The following C16orf74 variants were observed in gnomAD, a reference collection of about 807,000 sequenced individuals.
The protein encoded by C16orf74 is calcimembrin.
A neutral mutation model predicts 6.5 loss-of-function variants in C16orf74; 10 were observed. That is an observed-to-expected ratio of 1.54 (90% CI 0.95 to 2.61). The LOEUF (loss-of-function observed/expected upper bound fraction) is 2.61. C16orf74 is among the 30% of genes most tolerant of loss of function. C16orf74 has a pLI of 0.00. For synonymous variants in C16orf74, 60 were observed against 42.5 expected, an observed-to-expected ratio of 1.41 and a Z score of -1.60; for missense variants, 141 against 105.9, an observed-to-expected ratio of 1.33 and a Z score of -1.45.
In C16orf74 at chr16:85,709,415, T is replaced by C. The variant is rs374995402; in HGVS notation, c.172+749A>G. Among the ~76,000 whole-genome samples, 138 of 152,224 alleles carry C rather than the reference T, an allele frequency of 9.1e-4. 3 individuals are homozygous for C. The South Asian group carries it at 0.026, about 29-fold the overall frequency. ...GAAATCTGTACTTAACTCTGAACTC[T>C]GAGAATTCCTGTAAGAACTAAATAA... On this transcript the variant is annotated intron_variant, in intron 3 of 3. Coordinates refer to ENST00000284245, the MANE Select transcript of C16orf74 (RefSeq NM_206967.3).
chr16:85,736,642 T>C (rs767395081), intron 1 of C16orf74, among the ~76,000 whole-genome samples: 42 of 152,124 alleles, frequency 2.8e-4, no homozygotes, highest in Non-Finnish European at 4.4e-4. Context: ...CATTCCAACT[T>C]ACGAGTGGTC....
intron 1 of C16orf74, among the ~76,000 whole-genome samples, chr16:85,738,454 A>G (rs1028943844): frequency 5.3e-5 from 8 of 150,818 alleles, no homozygotes; most frequent in Admixed American, 4.6e-4. Context: ...CCTCCCGAGT[A>G]GCTGGGACTA....
chr16:85,739,956 TC>T (rs974088561), intron 1 of C16orf74, among the ~76,000 whole-genome samples: 26 of 151,838 alleles, frequency 1.7e-4, no homozygotes, highest in Admixed American at 5.2e-4. Context: ...ATGCCTGTAA[TC>T]CCAGCACTTA....
At chr16:85,713,463 G>A (rs1377578544) in intron 2 of C16orf74, among the ~76,000 whole-genome samples, 1 of 152,192 alleles carries the variant, frequency 6.6e-6, no homozygotes, top group African/African-American at 2.4e-5. Flanking sequence ...AGTAGAGACA[G>A]GGTCTCACCA....
chr16:85,710,655 G>A, intron 2 of C16orf74: 1 of 243,674 alleles, frequency 4.1e-6, no homozygotes. Flanking sequence ...CAGCGCTCCA[G>A]CCTCCACTCT....
intron 1 of C16orf74, among the ~76,000 whole-genome samples, chr16:85,741,236 T>A (rs1294612975): frequency 2.0e-5 from 3 of 152,168 alleles, no homozygotes; most frequent in African/African-American, 4.8e-5. Context: ...TGGAGATGCG[T>A]TCCTGGGGCC....
intron 1 of C16orf74, among the ~76,000 whole-genome samples, chr16:85,744,785 G>A (rs563102858): frequency 1.4e-5 from 2 of 142,490 alleles, no homozygotes; most frequent in African/African-American, 5.3e-5. Flanking sequence ...AGCCGAGATC[G>A]TGCCACTGCA....
At chr16:85,722,138 C>A (rs9308353) in intron 2 of C16orf74, among the ~76,000 whole-genome samples, 3,414 of 151,976 alleles carry the variant, frequency 0.022, 114 homozygotes, top group African/African-American at 0.079. Flanking sequence ...AGCTGGGATT[C>A]TAGGTGTGAG....
chr16:85,749,241 A>T (rs2362464), intron 1 of C16orf74, among the ~76,000 whole-genome samples: 62,584 of 151,986 alleles, frequency 0.41, 13,402 homozygotes, highest in East Asian at 0.73. Context: ...TGTGTCAGTG[A>T]CTTTGCCTTT....
chr16:85,731,076 G>C (rs903795059), intron 2 of C16orf74, among the ~76,000 whole-genome samples: 1 of 152,224 alleles, frequency 6.6e-6, no homozygotes, highest in African/African-American at 2.4e-5. Flanking sequence ...GCTCTAGATA[G>C]TATGTCCTTG....
intron 2 of C16orf74, among the ~76,000 whole-genome samples, chr16:85,718,333 T>G (rs1428482420): frequency 6.6e-6 from 1 of 152,224 alleles, no homozygotes; most frequent in Non-Finnish European, 1.5e-5. Context: ...CCCAAAGTCC[T>G]GGGGTTACAG....
At chr16:85,737,745 C>T (rs556271498) in intron 1 of C16orf74, among the ~76,000 whole-genome samples, 189 of 152,240 alleles carry the variant, frequency 1.2e-3, no homozygotes, top group Middle Eastern at 3.4e-3. Flanking sequence ...GCATGAGAAT[C>T]TCTTGAACCT....
chr16:85,709,495 G>GTTATTATTATTATTATTATTATTA (rs57478569), intron 3 of C16orf74, among the ~76,000 whole-genome samples: 4 of 147,398 alleles, frequency 2.7e-5, no homozygotes, highest in African/African-American at 7.6e-5. Flanking sequence ...CATCCCCAAT[G>GTTATTATTATTATTATTATTATTA]TTATTATTAT....
At chr16:85,711,990 A>G (rs2053974952) in intron 2 of C16orf74, among the ~76,000 whole-genome samples, 1 of 152,172 alleles carries the variant, frequency 6.6e-6, no homozygotes, top group Non-Finnish European at 1.5e-5. Context: ...GACTGCCATG[A>G]TGGTGTGTGA....
At chr16:85,710,027 G>A in intron 3 of C16orf74, 137 bp downstream of exon 3, 4 of 686,512 alleles carry the variant, frequency 5.8e-6, no homozygotes, top group Non-Finnish European at 8.9e-6. Flanking sequence ...ACACAGGTCT[G>A]ACCATAAATG....
At chr16:85,750,298 G>A (rs1381838156) in intron 1 of C16orf74, among the ~76,000 whole-genome samples, 1 of 152,180 alleles carries the variant, frequency 6.6e-6, no homozygotes, top group Admixed American at 6.5e-5. Context: ...GCCGCCCTCA[G>A]ACCCCGCCCT....
intron 1 of C16orf74, among the ~76,000 whole-genome samples, chr16:85,747,076 A>G (rs1030071291): frequency 6.6e-6 from 1 of 152,136 alleles, no homozygotes; most frequent in Non-Finnish European, 1.5e-5. Flanking sequence ...GCCCACCGAA[A>G]TCCCCACCTG....
chr16:85,709,063 C>T (rs60433620), intron 3 of C16orf74, among the ~76,000 whole-genome samples: 2 of 152,358 alleles, frequency 1.3e-5, no homozygotes, highest in South Asian at 2.1e-4. Context: ...TTAGTTTACC[C>T]CTGTCTAAAA....
intron 2 of C16orf74, among the ~76,000 whole-genome samples, chr16:85,719,032 G>A (rs550511407): frequency 6.6e-6 from 1 of 152,254 alleles, no homozygotes; most frequent in Non-Finnish European, 1.5e-5. Flanking sequence ...GGCTTGGGAA[G>A]GAGGACATCC....
Sources: allele counts gnomAD v4.1 joint callset (sites outside exome capture counted in the v4.1 genomes callset), GRCh38; gene constraint gnomAD v4.1.1; transcripts MANE v1.5; gene names NCBI Gene and HGNC (gene_info 2026-07-23, HGNC 2026-07-21).